Variants in SYT16 observed in about 807,000 individuals in gnomAD.
SYT16 encodes the protein synaptotagmin 16.
Under a neutral mutation model 61.4 loss-of-function variants are expected in SYT16, and 42 were observed. The observed-to-expected ratio is 0.68, with a 90% CI of 0.53 to 0.89. The LOEUF (loss-of-function observed/expected upper bound fraction) is 0.89, where lower values mean the gene tolerates loss of function less well. Ranked by LOEUF, SYT16 falls within the 40% of genes least tolerant of loss-of-function variation. The pLI is 0.00. For synonymous variants in SYT16, 314 were observed against 302.3 expected (o/e 1.04, Z -0.40); for missense variants, 804 against 807.3 (o/e 1.00, Z 0.05).
chr14:61,879,706 C>G (rs1293379319), intron 1 of SYT16, among the ~76,000 whole-genome samples: 1 of 152,180 alleles, frequency 6.6e-6, no homozygotes, highest in African/African-American at 2.4e-5. Flanking sequence ...TCCCCTTTCT[C>G]TCTTTTCCTT....
At chr14:62,087,568 CTT>C (rs2056928758) in intron 7 of SYT16, among the ~76,000 whole-genome samples, 1 of 152,190 alleles carries the variant, frequency 6.6e-6, no homozygotes, top group African/African-American at 2.4e-5. Flanking sequence ...CTTTTCTTCT[CTT>C]GAATATTGTT....
chr14:62,034,684 T>C (rs779775079), intron 3 of SYT16, among the ~76,000 whole-genome samples: 29 of 150,960 alleles, frequency 1.9e-4, no homozygotes, highest in Admixed American at 2.7e-4. Context: ...TTATGCTGAC[T>C]AGGGCTGAGG....
intron 3 of SYT16, among the ~76,000 whole-genome samples, chr14:62,068,761 A>AAC (rs71449578): frequency 0.075 from 11,339 of 150,954 alleles, 465 homozygotes; most frequent in Middle Eastern, 0.13. Context: ...AATGAGTTAA[A>AAC]ACACACACAC....
intron 1 of SYT16, among the ~76,000 whole-genome samples, chr14:61,871,196 T>C (rs1175518682): frequency 6.6e-6 from 1 of 152,084 alleles, no homozygotes; most frequent in Non-Finnish European, 1.5e-5. Flanking sequence ...AGTATTCCAC[T>C]TTATACTCTA....
rs2141044483 is a variant in SYT16, at chr14:62,111,250, C to A, written c.*10543C>A. The A allele has an allele frequency of 6.6e-6, 1 of 152,012 alleles. No homozygotes were observed. The highest frequency in any genetic ancestry group is 1.9e-4 in the East Asian group (1 of 5,178). 9.4% of individuals were successfully genotyped at this position (152,012 alleles called of 1,614,324 possible). A position where few individuals can be genotyped will look rare whatever the true frequency, so the allele number is the denominator to read the frequency against. ...TTGATGGGTGTCCTTGAAGAACTTT[C>A]ATGAAAAAAATGTAAATGTGAATGA... On this transcript the variant is annotated 3_prime_UTR_variant, in exon 8 of 8. Transcript: ENST00000683842.
chr14:61,858,924 G>C (rs559051699), intron 1 of SYT16, among the ~76,000 whole-genome samples: 6 of 149,590 alleles, frequency 4.0e-5, no homozygotes, highest in Non-Finnish European at 7.4e-5. Flanking sequence ...GTGCGATCTC[G>C]GCTCACTGCA....
chr14:61,828,075 G>C (rs140654789), intron 1 of SYT16, among the ~76,000 whole-genome samples: 31 of 152,172 alleles, frequency 2.0e-4, no homozygotes, highest in Non-Finnish European at 4.3e-4. Context: ...AGACTTGGAC[G>C]CAGACACAGA....
intron 1 of SYT16, among the ~76,000 whole-genome samples, chr14:61,878,628 A>G (rs2047587325): frequency 2.0e-5 from 3 of 152,242 alleles, no homozygotes; most frequent in Non-Finnish European, 4.4e-5. Context: ...TCCACCATTC[A>G]TACCAAAACC....
chr14:61,954,704 C>G (rs2050803123), intron 1 of SYT16, among the ~76,000 whole-genome samples: 1 of 152,002 alleles, frequency 6.6e-6, no homozygotes, highest in African/African-American at 2.4e-5. Flanking sequence ...TTAAAGCTTC[C>G]CTGTCAAAGT....
intron 1 of SYT16, among the ~76,000 whole-genome samples, chr14:61,848,137 T>C (rs1386848401): frequency 6.6e-6 from 1 of 152,242 alleles, no homozygotes; most frequent in African/African-American, 2.4e-5. Context: ...TGTCTGGACA[T>C]TGAAGAATTA....
At chr14:62,050,290 A>G (rs2055212833) in intron 3 of SYT16, among the ~76,000 whole-genome samples, 1 of 152,186 alleles carries the variant, frequency 6.6e-6, no homozygotes, top group East Asian at 1.9e-4. Context: ...TGCATTCGTC[A>G]CATAGTTCTC....
chr14:62,006,258 T>C (rs1027062086), intron 3 of SYT16, among the ~76,000 whole-genome samples: 2 of 152,146 alleles, frequency 1.3e-5, no homozygotes, highest in African/African-American at 4.8e-5. Context: ...CACTCATTTG[T>C]TCCTTTATAC....
chr14:61,918,311 G>A (rs2049196872), intron 1 of SYT16, among the ~76,000 whole-genome samples: 1 of 152,112 alleles, frequency 6.6e-6, no homozygotes, highest in Admixed American at 6.6e-5. Context: ...CGGAAATATG[G>A]CATTCTGGAA....
At chr14:62,032,298 T>G (rs1447920766) in intron 3 of SYT16, among the ~76,000 whole-genome samples, 2 of 152,158 alleles carry the variant, frequency 1.3e-5, no homozygotes, top group Non-Finnish European at 2.9e-5. Flanking sequence ...TTTGTCATTT[T>G]CTTCACTATG....
At chr14:61,995,217 G>A (rs1755595116) in intron 2 of SYT16, among the ~76,000 whole-genome samples, 1 of 152,060 alleles carries the variant, frequency 6.6e-6, no homozygotes, top group African/African-American at 2.4e-5. Context: ...GTGTGATTTA[G>A]GAGTCTGAAA....
At chr14:61,904,741 T>C (rs1360952042) in intron 1 of SYT16, among the ~76,000 whole-genome samples, 2 of 152,246 alleles carry the variant, frequency 1.3e-5, no homozygotes, top group Non-Finnish European at 2.9e-5. Flanking sequence ...ACTGGGCCTC[T>C]GAAGGCAGAT....
At chr14:62,015,633 A>G (rs2053641323) in intron 3 of SYT16, among the ~76,000 whole-genome samples, 1 of 152,180 alleles carries the variant, frequency 6.6e-6, no homozygotes, top group South Asian at 2.1e-4. Flanking sequence ...CAGATCATGA[A>G]GGCAGAGCCC....
chr14:61,892,329 G>A (rs772404787), intron 1 of SYT16, among the ~76,000 whole-genome samples: 3 of 151,628 alleles, frequency 2.0e-5, no homozygotes, highest in Non-Finnish European at 4.4e-5. Context: ...CTCTCGCCCC[G>A]TCTGCCTCCT....
At chr14:61,891,239 C>CGT (rs1463681653) in intron 1 of SYT16, among the ~76,000 whole-genome samples, 81 of 107,356 alleles carry the variant, frequency 7.5e-4, no homozygotes, top group South Asian at 2.1e-3. Context: ...CATACACACA[C>CGT]GCGCACACAC....
Sources: allele counts gnomAD v4.1 joint callset (sites outside exome capture counted in the v4.1 genomes callset), GRCh38; gene constraint gnomAD v4.1.1; transcripts MANE v1.5; gene names NCBI Gene and HGNC (gene_info 2026-07-23, HGNC 2026-07-21).